The following CABLES1 variants were observed in gnomAD, a reference collection of about 807,000 sequenced individuals.
The protein encoded by CABLES1 is Cdk5 and Abl enzyme substrate 1.
A neutral mutation model predicts 57.8 loss-of-function variants in CABLES1; 36 were observed. The ratio of observed to expected loss-of-function variants is 0.62; its 90% CI spans 0.48 to 0.82. The LOEUF (loss-of-function observed/expected upper bound fraction) is 0.82, where lower values mean the gene tolerates loss of function less well. Ranked by LOEUF, CABLES1 falls within the 40% of genes least tolerant of loss-of-function variation. CABLES1 has a pLI of 0.00. For missense variants in CABLES1, 767 were observed against 836.6 expected, an observed-to-expected ratio of 0.92 and a Z score of 1.03; for synonymous variants, 374 against 363.0, an observed-to-expected ratio of 1.03 and a Z score of -0.35.
chr18:23,251,276 A>T (rs954513296), intron 7 of CABLES1, among the ~76,000 whole-genome samples: 2 of 152,048 alleles, frequency 1.3e-5, no homozygotes, highest in African/African-American at 2.4e-5. Flanking sequence ...AACATGGCGA[A>T]CCCCCATTTA....
At chr18:23,180,994 T>C (rs576927715) in intron 1 of CABLES1, among the ~76,000 whole-genome samples, 50 of 152,246 alleles carry the variant, frequency 3.3e-4, no homozygotes, top group African/African-American at 7.7e-4. Context: ...TGGGTCCTGA[T>C]TGGGCTCCTT....
At chr18:23,140,438 C>CTT (rs11358415) in intron 1 of CABLES1, among the ~76,000 whole-genome samples, 16 of 138,324 alleles carry the variant, frequency 1.2e-4, no homozygotes, top group African/African-American at 3.0e-4. Flanking sequence ...CGTTTTCTTT[C>CTT]TTTTTTTTTT....
intron 1 of CABLES1, among the ~76,000 whole-genome samples, chr18:23,168,419 C>T (rs889832478): frequency 6.6e-6 from 1 of 152,092 alleles, no homozygotes; most frequent in African/African-American, 2.4e-5. Context: ...TAGTCAAATT[C>T]ATAGAGACAG....
At chr18:23,248,510 G>GTTTTTTTTTTTT in intron 7 of CABLES1, among the ~76,000 whole-genome samples, 1 of 92,358 alleles carries the variant, frequency 1.1e-5, no homozygotes. Flanking sequence ...AAGACCCTAT[G>GTTTTTTTTTTTT]TCTTTTTTTT....
At chr18:23,235,436 A>T (rs916148117) in intron 5 of CABLES1, among the ~76,000 whole-genome samples, 6 of 152,130 alleles carry the variant, frequency 3.9e-5, no homozygotes, top group Admixed American at 3.3e-4. Context: ...AGGAGCCAGG[A>T]AGGATGGGAT....
chr18:23,216,296 T>G (rs2047441315), intron 4 of CABLES1, among the ~76,000 whole-genome samples: 1 of 152,216 alleles, frequency 6.6e-6, no homozygotes, highest in Admixed American at 6.5e-5. Flanking sequence ...AAACATCAAC[T>G]TTGGGCCAGA....
At chr18:23,230,808 C>T (rs1337104026) in intron 4 of CABLES1, among the ~76,000 whole-genome samples, 1 of 152,206 alleles carries the variant, frequency 6.6e-6, no homozygotes, top group Non-Finnish European at 1.5e-5. Flanking sequence ...CTGGAACCTA[C>T]TGTAATGCCT....
chr18:23,134,888 G>A (rs1207376712), upstream of CABLES1, among the ~76,000 whole-genome samples: 2 of 152,114 alleles, frequency 1.3e-5, no homozygotes, highest in African/African-American at 4.8e-5. Flanking sequence ...TGCATCCTTG[G>A]CCTGGGAATG....
chr18:23,240,567 A>C (rs549324947), intron 7 of CABLES1, among the ~76,000 whole-genome samples: 1 of 152,332 alleles, frequency 6.6e-6, no homozygotes, highest in African/African-American at 2.4e-5. Flanking sequence ...ATCTCTGCCC[A>C]GACAGAGGGC....
In CABLES1 at chr18:23,183,686, C is replaced by G. The variant is rs144428214; in HGVS notation, c.846-5152C>G. On this transcript the variant is annotated intron_variant, in intron 1 of 9. Coordinates refer to ENST00000256925, the MANE Select transcript of CABLES1 (RefSeq NM_001100619.3). ...AGTGCATATTACTCTTGCTTTGAAC[C>G]CTGCCAGTCTCTTACCATATGTCTA... Among the ~76,000 whole-genome samples the G allele has an allele frequency of 4.7e-3, 711 of 152,270 alleles. 2 individuals are homozygous for G. Among genetic ancestry groups the G allele is most frequent in the Non-Finnish European group, 8.5e-3 (580 of 68,020 alleles).
rs375018617 is a variant in CABLES1, at chr18:23,135,987, C to T, written c.225C>T (p.Asp75=). ...ALSFLTNISL[D]GRLPPQDAEW... ...CCTTCCTCACCAACATCTCGCTGGA[C>T]GGCCGGCTGCCGCCGCAGGACGCGG... Residue 75 remains aspartate (D), a synonymous_variant, in exon 1 of 10, where the codon GAC becomes GAT. Transcript: ENST00000256925. The T allele has an allele frequency of 2.1e-3, 2,437 of 1,138,040 alleles. 4 individuals carry two copies. The highest frequency in any genetic ancestry group is 2.5e-3 in the Non-Finnish European group (2,301 of 927,974). The allele number at this position is 1,138,040 out of a possible 1,614,324, so 70.5% of individuals were successfully genotyped here. A position where few individuals can be genotyped will look rare whatever the true frequency, so the allele number is the denominator to read the frequency against.
intron 7 of CABLES1, among the ~76,000 whole-genome samples, chr18:23,244,013 A>T (rs1290473406): frequency 5.3e-5 from 8 of 152,130 alleles, no homozygotes; most frequent in Admixed American, 4.6e-4. Flanking sequence ...ATATTGCAAC[A>T]TCTGCTCTCT....
chr18:23,237,904 C>T (rs770067136), intron 7 of CABLES1, among the ~76,000 whole-genome samples: 51 of 152,320 alleles, frequency 3.3e-4, no homozygotes, highest in African/African-American at 7.0e-4. Context: ...CTGACTCTTG[C>T]GGCAAGCAGA....
At chr18:23,234,291 C>G (rs758039623) in intron 4 of CABLES1, among the ~76,000 whole-genome samples, 5 of 152,166 alleles carry the variant, frequency 3.3e-5, no homozygotes, top group East Asian at 1.9e-4. Flanking sequence ...CCCACGATGC[C>G]CAGGGAATGC....
intron 2 of CABLES1, among the ~76,000 whole-genome samples, chr18:23,192,422 G>A (rs1171302600): frequency 3.9e-5 from 6 of 152,192 alleles, no homozygotes; most frequent in African/African-American, 1.4e-4. Context: ...TGAGGAATCT[G>A]GGGCCCCTCT....
rs932924036 is a variant in CABLES1, at chr18:23,152,318, C to T, written c.845+15711C>T. Among the ~76,000 whole-genome samples, 4 of 152,058 alleles carry T rather than the reference C, an allele frequency of 2.6e-5. No homozygotes were observed. The South Asian group carries it at 6.2e-4, about 24-fold the overall frequency. On this transcript the variant is annotated intron_variant, in intron 1 of 9. Transcript: ENST00000256925. ...TATTTCTTCTCATTGCCTATTTCTC[C>T]CCCTAATCCTTGCCGTTACTGTCCT...
Position 23,222,616 on chromosome 18 carries a change from CAGATAT to C in CABLES1, c.1088+8582_1088+8587del, listed in dbSNP as rs561937072. On this transcript the variant is annotated intron_variant, in intron 4 of 9. Transcript: ENST00000256925. ...ATAATTAGATATATAGATATATACA[CAGATAT>C]AGATATAGATATAGATATATATTGC... Among the ~76,000 whole-genome samples the C allele has an allele frequency of 5.6e-3, 834 of 149,814 alleles. 2 individuals carry two copies. The highest frequency in any genetic ancestry group is 9.9e-3 in the South Asian group (47 of 4,764).
intron 9 of CABLES1, 76 bp downstream of exon 9, chr18:23,254,012 A>T: frequency 8.0e-7 from 1 of 1,248,364 alleles, no homozygotes; most frequent in Non-Finnish European, 1.2e-6. Flanking sequence ...GGATTCGGTC[A>T]GTGACCCTGC....
At position 23,192,134 on chromosome 18, in the gene CABLES1, G is replaced by A. The variant is rs1053260425; in HGVS notation, c.918-2314G>A. On this transcript the variant is annotated intron_variant, in intron 2 of 9. Transcript: ENST00000256925. ...CTGTAACTCCAAGAACTGAGCATGC[G>A]TCATGAGAGGACTTGGACTGAGAAG... is the stretch of plus-strand genomic sequence containing the variant. Among the ~76,000 whole-genome samples the A allele has an allele frequency of 2.6e-5, 4 of 152,172 alleles. No individual in the cohort carries two copies. In the East Asian group the frequency reaches 5.8e-4, roughly 22 times the overall value.
Sources: gnomAD v4.1 joint callset for allele counts (sites outside exome capture counted in the v4.1 genomes callset) on GRCh38, gnomAD v4.1.1 for gene constraint, MANE v1.5 for transcripts, NCBI Gene and HGNC (gene_info 2026-07-23, HGNC 2026-07-21) for gene names.